Variants in PALD1 observed in about 807,000 individuals in gnomAD.
PALD1 encodes paladin.
A neutral mutation model predicts 96.0 loss-of-function variants in PALD1; 57 were observed. The ratio of observed to expected loss-of-function variants is 0.59; its 90% CI spans 0.48 to 0.74. The LOEUF (loss-of-function observed/expected upper bound fraction) is 0.74, where lower values mean the gene tolerates loss of function less well. Ranked by LOEUF, PALD1 falls within the 30% of genes least tolerant of loss-of-function variation. The pLI, the probability that PALD1 is intolerant of heterozygous loss-of-function variation, is 0.00. For synonymous variants in PALD1, 464 were observed against 473.6 expected, an observed-to-expected ratio of 0.98 and a Z score of 0.26; for missense variants, 1,063 against 1,143.7, an observed-to-expected ratio of 0.93 and a Z score of 1.02.
At chr10:70,508,309 TA>T (rs1846435551) in intron 1 of PALD1, among the ~76,000 whole-genome samples, 1 of 152,138 alleles carries the variant, frequency 6.6e-6, no homozygotes, top group East Asian at 1.9e-4. Flanking sequence ...TCGGCTTTCT[TA>T]TTATTTTTGT....
chr10:70,539,039 G>C lies in PALD1; in HGVS notation c.1569+31G>C, dbSNP rs45438804. 2.5e-6 allele frequency: 4 copies of C among 1,613,424 alleles called. No individual in the cohort carries two copies. Among genetic ancestry groups the C allele is most frequent in the Non-Finnish European group, 3.4e-6 (4 of 1,179,640 alleles). On this transcript the variant is annotated intron_variant, in intron 13 of 19. Coordinates refer to ENST00000263563, the MANE Select transcript of PALD1 (RefSeq NM_014431.3). The surrounding 1 kb of genome is among the most constrained non-coding windows in gnomAD (Gnocchi z 4.5). ...CGGCCCTCAGGGCCTGGGTCCCCCAGTGGGTTTGGGGAGGGAGGGCTGAGC... is the reference window on the plus strand; with the variant it reads ...CGGCCCTCAGGGCCTGGGTCCCCCACTGGGTTTGGGGAGGGAGGGCTGAGC...
At chr10:70,548,245 C>T (rs1382179016) in intron 18 of PALD1, among the ~76,000 whole-genome samples, 1 of 151,870 alleles carries the variant, frequency 6.6e-6, no homozygotes, top group Non-Finnish European at 1.5e-5. Context: ...GCGGAGGTTG[C>T]GGTGAGCCAA....
chr10:70,473,982 C>T (rs144273245), upstream of PALD1, among the ~76,000 whole-genome samples: 15 of 151,978 alleles, frequency 9.9e-5, no homozygotes, highest in East Asian at 7.8e-4. Context: ...ATGAAATATT[C>T]GTGGAATGAA....
intron 1 of PALD1, among the ~76,000 whole-genome samples, chr10:70,507,750 C>CGCGTGT (rs766888783): frequency 6.7e-6 from 1 of 148,644 alleles, no homozygotes; most frequent in Non-Finnish European, 1.5e-5. Context: ...TTTGTGTGTG[C>CGCGTGT]GTGTGTGTGT....
At chr10:70,561,856 C>T (rs1847743837) in intron 18 of PALD1, among the ~76,000 whole-genome samples, 1 of 152,210 alleles carries the variant, frequency 6.6e-6, no homozygotes, top group African/African-American at 2.4e-5. Context: ...CATTCTGCCT[C>T]CTCTCTGTAG....
chr10:70,534,192 GGGTTCATTTCCT>G (rs1847058680), intron 8 of PALD1, 119 bp downstream of exon 8: 3 of 1,228,070 alleles, frequency 2.4e-6, no homozygotes, highest in Non-Finnish European at 3.3e-6. Context: ...TTGGCATCTG[GGGTTCATTTCCT>G]GGTTTGCCAC....
chr10:70,535,188 C>T (rs1213552153), intron 10 of PALD1, among the ~76,000 whole-genome samples: 1 of 152,228 alleles, frequency 6.6e-6, no homozygotes, highest in Non-Finnish European at 1.5e-5. Flanking sequence ...TTTGGGAAGA[C>T]TGGGGTTTGG....
intron 2 of PALD1, among the ~76,000 whole-genome samples, chr10:70,527,999 C>G (rs1218347051): frequency 6.9e-6 from 1 of 145,678 alleles, no homozygotes; most frequent in Non-Finnish European, 1.5e-5. Context: ...TCTCATTGTT[C>G]AGTTCCCACC....
In PALD1 at chr10:70,564,359, T is replaced by C; in HGVS notation, c.2263-5T>C. 1 of 1,611,346 alleles carries C rather than the reference T, an allele frequency of 6.2e-7. No homozygotes were observed. Among genetic ancestry groups the C allele is most frequent in the African/African-American group, 1.3e-5 (1 of 75,048 alleles). ...ACACTGACCCCACCCTGTCCTGTCC[T>C]CCAGGCGAAGGCAGCGAAAGAGGCG... On this transcript the variant is annotated splice_region_variant and splice_polypyrimidine_tract_variant and intron_variant, in intron 18 of 19. Transcript: ENST00000263563.
At chr10:70,522,494 G>A (rs1002764718) in intron 1 of PALD1, among the ~76,000 whole-genome samples, 3 of 152,196 alleles carry the variant, frequency 2.0e-5, no homozygotes, top group Non-Finnish European at 4.4e-5. Context: ...GTTTAGAAGA[G>A]TGGTATCGTA....
rs552184457 is a variant in PALD1, at chr10:70,504,866, TA to T, written c.-29-21052del. ...CTAGATATTTTCCTTTGATCCTATG[TA>T]AAAATTTGACAGGTGGTTGATTCTT... On this transcript the variant is annotated intron_variant, in intron 1 of 19. Transcript: ENST00000263563. Among the ~76,000 whole-genome samples, 216 of 152,376 alleles carry T rather than the reference TA, an allele frequency of 1.4e-3. 2 individuals carry two copies. Among genetic ancestry groups the T allele is most frequent in the Non-Finnish European group, 2.2e-3 (153 of 68,044 alleles).
At position 70,564,394 on chromosome 10, in the gene PALD1, C is replaced by G; in HGVS notation, c.2293C>G (p.Arg765Gly). 6.2e-7 allele frequency: 1 copy of G among 1,613,630 alleles called. No homozygotes were observed. Among genetic ancestry groups the G allele is most frequent in the Non-Finnish European group, 8.5e-7 (1 of 1,179,656 alleles). ...GGCAGCGAAAGAGGCGCAAGAAATG[C>G]GGAGGCTGCAGCTGCGGAGCCTGCA... ...AKAAKEAQEM[R>G]RLQLRSLQYL... The change falls in exon 19 of 20, where the codon CGG becomes GGG. Residue 765 changes from arginine (R) to glycine (G), a missense_variant. Physicochemically the swap from Arg to Gly is moderately radical, Grantham distance 125 (BLOSUM62 -2). Transcript: ENST00000263563.
intron 18 of PALD1, 60 bp from the exon 19 acceptor site, chr10:70,564,304 G>A: frequency 6.5e-7 from 1 of 1,531,612 alleles, no homozygotes; most frequent in Non-Finnish European, 8.8e-7. Flanking sequence ...AGGGTGGCAT[G>A]TTTGTGTGTT....
chr10:70,478,541 G>C (rs1845865463), upstream of PALD1, among the ~76,000 whole-genome samples: 3 of 152,206 alleles, frequency 2.0e-5, no homozygotes, highest in South Asian at 2.1e-4. Flanking sequence ...CTGGCTTCCC[G>C]GGCAGTCTCC....
At chr10:70,529,364 G>A in intron 3 of PALD1, 33 bp downstream of exon 3, 3 of 1,047,670 alleles carry the variant, frequency 2.9e-6, no homozygotes, top group Non-Finnish European at 1.5e-6. Context: ...CAGCCCGCCT[G>A]CTGCCTCCCA....
At chr10:70,522,443 G>T (rs895225503) in intron 1 of PALD1, among the ~76,000 whole-genome samples, 3 of 152,154 alleles carry the variant, frequency 2.0e-5, no homozygotes, top group Non-Finnish European at 4.4e-5. Flanking sequence ...GCAGGGGACC[G>T]GGGGCACACG....
rs755614864 is a variant in PALD1, at chr10:70,532,768, C to A, written c.781C>A (p.Gln261Lys). Residue 261 changes from glutamine (Q) to lysine (K), a missense_variant, in exon 6 of 20, where the codon CAG becomes AAG. Gln to Lys is a moderately conservative substitution (Grantham distance 53). Transcript: ENST00000263563. ...EEVYKRPLFL[Q>K]PTYRYHRLPL... is the part of the protein sequence containing the mutation. ...GGTGTACAAGCGGCCCCTCTTCCTG[C>A]AGCCCACCTACAGGTACCACAGGGC... 3.7e-6 allele frequency: 6 copies of A among 1,614,070 alleles called. No individual in the cohort carries two copies. Among genetic ancestry groups the A allele is most frequent in the Non-Finnish European group, 5.1e-6 (6 of 1,179,952 alleles).
rs1847591751 is a variant in PALD1 at position 70,555,627 on chromosome 10, G to A, written c.2262+8181G>A. Among the ~76,000 whole-genome samples, 5 of 152,206 alleles carry A rather than the reference G, an allele frequency of 3.3e-5. No individual in the cohort carries two copies. The South Asian group carries it at 1.0e-3, about 31-fold the overall frequency. Reference sequence around the variant, plus strand: ...AGAGAGACCAGCTCCGTGCCCCAAGGGCTGAGGTCATTTCTTAAGAAAAAA... The same window carrying A: ...AGAGAGACCAGCTCCGTGCCCCAAGAGCTGAGGTCATTTCTTAAGAAAAAA... On this transcript the variant is annotated intron_variant, in intron 18 of 19. Coordinates refer to ENST00000263563, the MANE Select transcript of PALD1 (RefSeq NM_014431.3).
intron 1 of PALD1, among the ~76,000 whole-genome samples, chr10:70,481,772 C>T (rs991962709): frequency 6.6e-6 from 1 of 152,248 alleles, no homozygotes; most frequent in Non-Finnish European, 1.5e-5. Flanking sequence ...TCCTTCTCTG[C>T]TAAGCCGTGG....
Sources: gnomAD v4.1 joint callset for allele counts (sites outside exome capture counted in the v4.1 genomes callset) on GRCh38, gnomAD v4.1.1 for gene constraint, Gnocchi (gnomAD v3.1) non-coding constraint, MANE v1.5 for transcripts, NCBI Gene and HGNC (gene_info 2026-07-23, HGNC 2026-07-21) for gene names.